GREB1: variants seen among roughly 807,000 people sequenced by gnomAD.
GREB1 encodes protein GREB1.
A neutral mutation model predicts 200.7 loss-of-function variants in GREB1; 106 were observed. That is an observed-to-expected ratio of 0.53 (90% CI 0.45 to 0.62). The LOEUF (loss-of-function observed/expected upper bound fraction) is 0.62, where lower values mean the gene tolerates loss of function less well. GREB1 is among the 20% of genes least tolerant of loss of function. The pLI is 0.00. For synonymous variants in GREB1, 1,132 were observed against 1,092.4 expected (o/e 1.04, Z -0.72); for missense variants, 2,243 against 2,556.8 (o/e 0.88, Z 2.65).
chr2:11,634,314 G>A lies in GREB1; in HGVS notation c.5175G>A (p.Val1725=). The part of the protein sequence containing the change: ...CHVHNFIILN[V]DLTQNVQYNQ... Reference sequence around the variant, plus strand: ...TGCACAACTTCATCATCCTGAACGTGGACCTGACCCAGAACGTGCAGTACA... The same window carrying A: ...TGCACAACTTCATCATCCTGAACGTAGACCTGACCCAGAACGTGCAGTACA... Residue 1725 remains valine (V), a synonymous_variant, in exon 29 of 33, where the codon GTG becomes GTA. Coordinates refer to ENST00000381486, the MANE Select transcript of GREB1 (RefSeq NM_014668.4). 6.2e-7 allele frequency: 1 copy of A among 1,614,094 alleles called. No individual in the cohort carries two copies. Among genetic ancestry groups the A allele is most frequent in the Non-Finnish European group, 8.5e-7 (1 of 1,179,986 alleles).
At chr2:11,553,031 C>G (rs916684868) in intron 1 of GREB1, among the ~76,000 whole-genome samples, 1 of 142,564 alleles carries the variant, frequency 7.0e-6, no homozygotes, top group Non-Finnish European at 1.5e-5. Flanking sequence ...AAAAAAGAGC[C>G]GCAGATTTGA....
Position 11,629,818 on chromosome 2 carries a change from C to G in GREB1, c.4450-130C>G. ...TCTGCACTTTGCACTGGAGTCACCC[C>G]GTGGGTTTCTTGTGCTGTAGGGAAG... is the stretch of plus-strand genomic sequence containing the variant. On this transcript the variant is annotated intron_variant, in intron 25 of 32. Transcript: ENST00000381486. This position sits in a 1 kb window ranked among gnomAD's most constrained non-coding sequence, Gnocchi z 5.2. The G allele has an allele frequency of 1.1e-6, 1 of 880,538 alleles. No homozygotes were observed. The highest frequency in any genetic ancestry group is 1.7e-5 in the South Asian group (1 of 59,888). 54.5% of individuals were successfully genotyped at this position (880,538 alleles called of 1,614,324 possible). A position where few individuals can be genotyped will look rare whatever the true frequency, so the allele number is the denominator to read the frequency against.
At chr2:11,620,450 A>G (rs7599927) in intron 22 of GREB1, among the ~76,000 whole-genome samples, 2,203 of 152,270 alleles carry the variant, frequency 0.014, 51 homozygotes, top group African/African-American at 0.05. Context: ...AGAAGAAGAA[A>G]GTTGTTCTTT....
rs1171152270 is a variant in GREB1 at position 11,620,984 on chromosome 2, A to T, written c.4124A>T (p.Tyr1375Phe). The T allele has an allele frequency of 6.2e-7, 1 of 1,608,342 alleles. No individual in the cohort carries two copies. The highest frequency in any genetic ancestry group is 1.7e-5 in the Admixed American group (1 of 59,994). Residue 1375 changes from tyrosine to phenylalanine, a missense_variant, in exon 23 of 33, where the codon TAT (tyrosine) becomes TTT (phenylalanine). By Grantham distance (22) the Tyr-to-Phe change is conservative (BLOSUM62 3). This residue lies in a region of GREB1 where 587 missense variants were observed against 553.1 expected (regional missense o/e 1.06). Transcript: ENST00000381486. The part of the protein sequence containing the change: ...MLVRLTEVDV[Y>F]DEEEININLR... ...GTTCGGCTCACAGAAGTGGATGTCTATGACGAGGAGGAGATCAATATCAGT... is the reference window on the plus strand; with the variant it reads ...GTTCGGCTCACAGAAGTGGATGTCTTTGACGAGGAGGAGATCAATATCAGT...
At chr2:11,622,778 G>A (rs1015044881) in intron 23 of GREB1, among the ~76,000 whole-genome samples, 4 of 152,212 alleles carry the variant, frequency 2.6e-5, no homozygotes, top group African/African-American at 7.2e-5. Context: ...GTGGTCACCT[G>A]GGGGGATGGT....
chr2:11,628,147 G>C (rs1045266161), intron 25 of GREB1, among the ~76,000 whole-genome samples: 1 of 152,256 alleles, frequency 6.6e-6, no homozygotes. Flanking sequence ...GTGGAGCCCA[G>C]TGTGGGCAGA....
chr2:11,585,956 G>A, intron 9 of GREB1, 51 bp downstream of exon 9: 3 of 1,597,992 alleles, frequency 1.9e-6, no homozygotes, highest in Non-Finnish European at 2.6e-6. Context: ...CTAAAGGAAG[G>A]CATGAGAAAC....
At chr2:11,529,770 C>T (rs538217795), upstream of GREB1, among the ~76,000 whole-genome samples, 2 of 152,266 alleles carry the variant, frequency 1.3e-5, no homozygotes, top group South Asian at 4.1e-4. Flanking sequence ...GAATGACTCA[C>T]AGGTACAGGC....
rs150573632 is a variant in GREB1 at position 11,548,306 on chromosome 2, A to T, written c.-161-8148A>T. On this transcript the variant is annotated intron_variant, in intron 1 of 32. Coordinates refer to ENST00000381486, the MANE Select transcript of GREB1 (RefSeq NM_014668.4). This position sits in a 1 kb window ranked among gnomAD's most constrained non-coding sequence, Gnocchi z 5.1. ...CATGCACACACGTGCACATACCCACATATGCACACACACGCACACACCCAG... is the reference window on the plus strand; with the variant it reads ...CATGCACACACGTGCACATACCCACTTATGCACACACACGCACACACCCAG... Among the ~76,000 whole-genome samples, 1 of 152,136 alleles carries T rather than the reference A, an allele frequency of 6.6e-6. No individual in the cohort carries two copies. Among genetic ancestry groups the T allele is most frequent in the African/African-American group, 2.4e-5 (1 of 41,554 alleles).
In GREB1 at chr2:11,642,686, G is replaced by A. The variant is rs1177844675; in HGVS notation, c.*2232G>A. 2.6e-5 allele frequency: 4 copies of A among 152,018 alleles called. No individual in the cohort carries two copies. In the East Asian group the frequency reaches 7.7e-4, roughly 29 times the overall value. The allele number at this position is 152,018 out of a possible 1,614,324, so 9.4% of individuals were successfully genotyped here. A position where few individuals can be genotyped will look rare whatever the true frequency, so the allele number is the denominator to read the frequency against. ...TTGTCTTTTGTAAATAGCAGCTTTT[G>A]TGTCATTCTCCCCACTTTATTAGTT... On this transcript the variant is annotated 3_prime_UTR_variant, in exon 33 of 33. Transcript: ENST00000381486.
intron 1 of GREB1, among the ~76,000 whole-genome samples, chr2:11,524,755 G>C (rs1189017033): frequency 6.6e-6 from 1 of 152,186 alleles, no homozygotes; most frequent in Non-Finnish European, 1.5e-5. Flanking sequence ...AGACAACCCT[G>C]TCCATCCCCC....
At chr2:11,504,897 C>A (rs1673139405) in intron 1 of GREB1, among the ~76,000 whole-genome samples, 2 of 152,166 alleles carry the variant, frequency 1.3e-5, no homozygotes, top group African/African-American at 4.8e-5. Context: ...GTAACAACTG[C>A]CTTGCAAGAT....
At chr2:11,605,441 G>T (rs1368664817) in intron 17 of GREB1, among the ~76,000 whole-genome samples, 2 of 151,942 alleles carry the variant, frequency 1.3e-5, no homozygotes, top group African/African-American at 4.8e-5. Flanking sequence ...GGTCAGGCTG[G>T]TCTCAAACTC....
intron 1 of GREB1, among the ~76,000 whole-genome samples, chr2:11,539,062 T>TCTTCTCTTCC (rs1553347551): frequency 0.014 from 1,926 of 135,584 alleles, 42 homozygotes; most frequent in South Asian, 0.027. Context: ...TCTTCTCTTC[T>TCTTCTCTTCC]CTTCTCTTAT....
intron 1 of GREB1, among the ~76,000 whole-genome samples, chr2:11,538,617 C>CTT: frequency 1.8e-4 from 1 of 5,636 alleles, no homozygotes; most frequent in Admixed American, 1.6e-3. Context: ...GTGTTTCTTT[C>CTT]TTTCTTTCTT....
At chr2:11,515,363 A>T (rs1673463736) in intron 1 of GREB1, among the ~76,000 whole-genome samples, 1 of 152,272 alleles carries the variant, frequency 6.6e-6, no homozygotes, top group Non-Finnish European at 1.5e-5. Flanking sequence ...GTAGGAAAGA[A>T]TGAATTAATG....
At chr2:11,571,880 T>C (rs1678339254) in intron 4 of GREB1, among the ~76,000 whole-genome samples, 2 of 152,148 alleles carry the variant, frequency 1.3e-5, no homozygotes, top group African/African-American at 4.8e-5. Context: ...CCAGCTAATT[T>C]TTTTGTATTT....
intron 17 of GREB1, among the ~76,000 whole-genome samples, chr2:11,607,608 A>AGATACATATATACATATG (rs1682507659): frequency 2.5e-5 from 1 of 40,582 alleles, no homozygotes; most frequent in African/African-American, 6.4e-5. Flanking sequence ...ATATACATAT[A>AGATACATATATACATATG]TACACATATA....
At chr2:11,568,457 G>A (rs1677918468) in intron 4 of GREB1, among the ~76,000 whole-genome samples, 1 of 152,248 alleles carries the variant, frequency 6.6e-6, no homozygotes, top group South Asian at 2.1e-4. Flanking sequence ...GCAGGCTCAT[G>A]GAGTCACTGT....
Sources: allele counts gnomAD v4.1 joint callset (sites outside exome capture counted in the v4.1 genomes callset), GRCh38; gene constraint gnomAD v4.1.1; regional missense constraint gnomAD v4.1.1; non-coding constraint Gnocchi (gnomAD v3.1); transcripts MANE v1.5; gene names NCBI Gene and HGNC (gene_info 2026-07-23, HGNC 2026-07-21).